TPTE2: variants seen among roughly 807,000 people sequenced by gnomAD.
The protein encoded by TPTE2 is phosphatidylinositol 3,4,5-trisphosphate 3-phosphatase TPTE2.
A neutral mutation model predicts 78.6 loss-of-function variants in TPTE2; 53 were observed. The ratio of observed to expected loss-of-function variants is 0.67; its 90% CI spans 0.54 to 0.85. TPTE2 has a LOEUF of 0.85. Ranked by LOEUF, TPTE2 falls within the 40% of genes least tolerant of loss-of-function variation. The pLI is 0.00. For missense variants in TPTE2, 461 were observed against 623.0 expected (o/e 0.74, Z 2.77); for synonymous variants, 175 against 206.2 (o/e 0.85, Z 1.30).
At chr13:19,434,028 T>A (rs969863029) in intron 15 of TPTE2, among the ~76,000 whole-genome samples, 6 of 152,208 alleles carry the variant, frequency 3.9e-5, no homozygotes, top group Non-Finnish European at 8.8e-5. Flanking sequence ...CTCCCACGCT[T>A]CCTTCTCCTA....
intron 6 of TPTE2, among the ~76,000 whole-genome samples, chr13:19,471,361 C>T (rs1241674364): frequency 6.6e-6 from 1 of 152,058 alleles, no homozygotes; most frequent in Non-Finnish European, 1.5e-5. Flanking sequence ...TCCTTCTTTC[C>T]TTCCTGTCTT....
intron 13 of TPTE2, among the ~76,000 whole-genome samples, chr13:19,440,008 A>C (rs1877385233): frequency 6.6e-6 from 1 of 152,236 alleles, no homozygotes; most frequent in South Asian, 2.1e-4. Flanking sequence ...AAAGAGAAAA[A>C]GAAAACAGCC....
chr13:19,460,527 T>C (rs1165740878), intron 10 of TPTE2, among the ~76,000 whole-genome samples: 2 of 152,168 alleles, frequency 1.3e-5, no homozygotes, highest in Non-Finnish European at 2.9e-5. Context: ...TAAACATTTC[T>C]TTTTTAGCCC....
At chr13:19,461,164 T>C (rs1878863007) in intron 10 of TPTE2, among the ~76,000 whole-genome samples, 2 of 152,228 alleles carry the variant, frequency 1.3e-5, no homozygotes, top group East Asian at 1.9e-4. Context: ...CTCTTGCCTC[T>C]GCCGTCACGT....
intron 8 of TPTE2, 38 bp from the exon 12 acceptor site, chr13:19,465,356 C>A (rs1446359636): frequency 1.2e-6 from 2 of 1,613,076 alleles, no homozygotes; most frequent in Non-Finnish European, 1.7e-6. Flanking sequence ...GTGAAACATT[C>A]ATCAACATAA....
At chr13:19,520,521 A>G (rs538044536) in intron 1 of TPTE2, among the ~76,000 whole-genome samples, 1 of 151,698 alleles carries the variant, frequency 6.6e-6, no homozygotes, top group Non-Finnish European at 1.5e-5. Flanking sequence ...CAGGCTAGCT[A>G]AGCTATCAAT....
intron 1 of TPTE2, among the ~76,000 whole-genome samples, chr13:19,501,427 C>G (rs1868541862): frequency 7.7e-6 from 1 of 129,554 alleles, no homozygotes; most frequent in Non-Finnish European, 1.6e-5. Flanking sequence ...GTAACCAAAA[C>G]AGCATGGTAC....
At chr13:19,498,080 C>T (rs1039832545) in intron 1 of TPTE2, among the ~76,000 whole-genome samples, 13 of 150,624 alleles carry the variant, frequency 8.6e-5, no homozygotes, top group South Asian at 2.1e-4. Context: ...TGAAATGAAG[C>T]GAGAAGGGAA....
At chr13:19,428,995 A>G (rs1876354312) in intron 17 of TPTE2, among the ~76,000 whole-genome samples, 1 of 152,244 alleles carries the variant, frequency 6.6e-6, no homozygotes, top group Admixed American at 6.5e-5. Flanking sequence ...TATAACACTT[A>G]TTTAGTGATT....
chr13:19,559,630 G>A, the TPTE2 span, among the ~76,000 whole-genome samples: 2 of 151,598 alleles, frequency 1.3e-5, no homozygotes, highest in East Asian at 2.0e-4. Flanking sequence ...CTGAAGAGGG[G>A]GTAGGATTAA....
At chr13:19,560,856 G>T in the TPTE2 span, 1 of 1,561,250 alleles carries the variant, frequency 6.4e-7, no homozygotes. Flanking sequence ...TTGGTGAAGC[G>T]GCAGGCCTGA....
intron 1 of TPTE2, among the ~76,000 whole-genome samples, chr13:19,522,848 G>C (rs1052853390): frequency 6.6e-6 from 1 of 151,442 alleles, no homozygotes. Flanking sequence ...GGATGGTCTC[G>C]ATCTCCTGAC....
At chr13:19,454,219 T>G (rs1878391225) in intron 10 of TPTE2, among the ~76,000 whole-genome samples, 1 of 152,214 alleles carries the variant, frequency 6.6e-6, no homozygotes, top group Non-Finnish European at 1.5e-5. Flanking sequence ...TCTGCTTTGC[T>G]CATTCGCTGT....
intron 1 of TPTE2, among the ~76,000 whole-genome samples, chr13:19,530,123 T>A (rs1870773859): frequency 6.6e-6 from 1 of 152,258 alleles, no homozygotes; most frequent in South Asian, 2.1e-4. Context: ...ATCCTTGGGA[T>A]ATACTGAGGA....
At chr13:19,461,975 T>A (rs921660410) in intron 10 of TPTE2, among the ~76,000 whole-genome samples, 3 of 150,986 alleles carry the variant, frequency 2.0e-5, no homozygotes, top group African/African-American at 7.3e-5. Context: ...ACTCTATATC[T>A]TTTAATTGGG....
At chr13:19,553,791 G>A in the TPTE2 span, among the ~76,000 whole-genome samples, 1 of 152,202 alleles carries the variant, frequency 6.6e-6, no homozygotes, top group Non-Finnish European at 1.5e-5. Context: ...GTGTGTGTAT[G>A]TGTGTATGTA....
At chr13:19,466,255 G>A (rs1313655548) in intron 7 of TPTE2, among the ~76,000 whole-genome samples, 2 of 152,138 alleles carry the variant, frequency 1.3e-5, no homozygotes, top group Non-Finnish European at 2.9e-5. Context: ...GTGGGTCCAG[G>A]GTGGGGCCTA....
chr13:19,541,831 T>C, the TPTE2 span, among the ~76,000 whole-genome samples: 1 of 152,188 alleles, frequency 6.6e-6, no homozygotes, highest in Non-Finnish European at 1.5e-5. Context: ...TTCAAATTTG[T>C]CTCCATGATT....
At position 19,428,873 on chromosome 13, in the gene TPTE2, T is replaced by A. The variant is rs141422129; in HGVS notation, c.1302+1595A>T. ...TACTGATGGAAAAAAGCTCAGGTAT[T>A]ATGTTAGGGCTATTACATCTTCAGA... On this transcript the variant is annotated intron_variant, in intron 17 of 19. Coordinates refer to ENST00000400230, the Ensembl canonical transcript of TPTE2. Among the ~76,000 whole-genome samples the A allele has an allele frequency of 1.4e-4, 21 of 152,298 alleles. 1 individual carries two copies. In the East Asian group the frequency reaches 4.1e-3, roughly 29 times the overall value.
Sources: gnomAD v4.1 joint callset for allele counts (sites outside exome capture counted in the v4.1 genomes callset) on GRCh38, gnomAD v4.1.1 for gene constraint, MANE v1.5 for transcripts, NCBI Gene and HGNC (gene_info 2026-07-23, HGNC 2026-07-21) for gene names.